The following PPARGC1A variants were observed in gnomAD, a reference collection of about 807,000 sequenced individuals.
PPARGC1A encodes the protein peroxisome proliferator-activated receptor gamma coactivator 1-alpha.
A neutral mutation model predicts 88.7 loss-of-function variants in PPARGC1A; 25 were observed. The observed-to-expected ratio is 0.28, with a 90% CI of 0.21 to 0.39. The LOEUF is 0.39. PPARGC1A is among the 10% of genes least tolerant of loss of function. The pLI is 1.00. For synonymous variants in PPARGC1A, 363 were observed against 355.6 expected (o/e 1.02, Z -0.24); for missense variants, 880 against 968.7 (o/e 0.91, Z 1.22).
At chr4:24,437,564 A>G in the PPARGC1A span, among the ~76,000 whole-genome samples, 1 of 152,008 alleles carries the variant, frequency 6.6e-6, no homozygotes, top group African/African-American at 2.4e-5. Flanking sequence ...CTTTGAGTTA[A>G]TTCTGTAAGT....
At chr4:24,385,179 G>A in the PPARGC1A span, among the ~76,000 whole-genome samples, 7 of 152,010 alleles carry the variant, frequency 4.6e-5, no homozygotes, top group African/African-American at 7.3e-5. Flanking sequence ...AAATAAATAC[G>A]TTATTTGAAA....
the PPARGC1A span, among the ~76,000 whole-genome samples, chr4:24,093,879 G>A: frequency 1.2e-4 from 19 of 152,306 alleles, no homozygotes; most frequent in South Asian, 3.7e-3. Flanking sequence ...TAAAGGGGAA[G>A]TATGCGTTAT....
the PPARGC1A span, among the ~76,000 whole-genome samples, chr4:24,411,357 G>C: frequency 6.6e-6 from 1 of 152,164 alleles, no homozygotes; most frequent in Non-Finnish European, 1.5e-5. Flanking sequence ...TTTTCAATAG[G>C]TTTTATAATT....
the PPARGC1A span, among the ~76,000 whole-genome samples, chr4:23,936,684 C>A: frequency 1.3e-5 from 2 of 151,936 alleles, no homozygotes; most frequent in Non-Finnish European, 2.9e-5. Flanking sequence ...CCAGCTTGGG[C>A]GACATGGGAA....
At chr4:24,301,510 A>G in the PPARGC1A span, among the ~76,000 whole-genome samples, 1 of 151,760 alleles carries the variant, frequency 6.6e-6, no homozygotes, top group Non-Finnish European at 1.5e-5. Flanking sequence ...GAATACCCAC[A>G]TCAGTTGAGA....
At chr4:24,276,432 C>G in the PPARGC1A span, among the ~76,000 whole-genome samples, 1 of 152,302 alleles carries the variant, frequency 6.6e-6, no homozygotes, top group Admixed American at 6.5e-5. Flanking sequence ...TACACAAGGT[C>G]TCAGACATCG....
intron 2 of PPARGC1A, among the ~76,000 whole-genome samples, chr4:23,869,787 G>A (rs1359741154): frequency 6.6e-6 from 1 of 152,152 alleles, no homozygotes; most frequent in Non-Finnish European, 1.5e-5. Flanking sequence ...TGAGGACTGG[G>A]TAGGATAAAT....
chr4:24,242,759 A>G, the PPARGC1A span, among the ~76,000 whole-genome samples: 1 of 152,138 alleles, frequency 6.6e-6, no homozygotes, highest in Non-Finnish European at 1.5e-5. Context: ...TCAGGACTCC[A>G]GTCCTGCTGG....
chr4:23,802,566 T>C lies in PPARGC1A; in HGVS notation c.2020-221A>G, dbSNP rs148169350. Among the ~76,000 whole-genome samples, 634 of 150,254 alleles carry C rather than the reference T, an allele frequency of 4.2e-3. 4 individuals carry two copies. Among genetic ancestry groups the C allele is most frequent in the Admixed American group, 8.8e-3 (131 of 14,892 alleles). Reference sequence around the variant, plus strand: ...GGTGGTGGGCACCTGCAATCCCAGCTACTCAGGAGGCTGACGCAGAGAATT... The same window carrying C: ...GGTGGTGGGCACCTGCAATCCCAGCCACTCAGGAGGCTGACGCAGAGAATT... On this transcript the variant is annotated intron_variant, in intron 10 of 12. Transcript: ENST00000264867.
At chr4:24,468,339 A>G in the PPARGC1A span, among the ~76,000 whole-genome samples, 186 of 152,366 alleles carry the variant, frequency 1.2e-3, 4 homozygotes, top group Non-Finnish European at 1.3e-3. Flanking sequence ...TGTCTGCTGC[A>G]CTGAGCCAAA....
the PPARGC1A span, among the ~76,000 whole-genome samples, chr4:24,048,779 T>C: frequency 6.6e-6 from 1 of 152,152 alleles, no homozygotes; most frequent in African/African-American, 2.4e-5. Context: ...AGACCTGATT[T>C]TCCTGAACCC....
chr4:23,850,505 A>G (rs1729094920), intron 2 of PPARGC1A, among the ~76,000 whole-genome samples: 1 of 152,146 alleles, frequency 6.6e-6, no homozygotes, highest in African/African-American at 2.4e-5. Flanking sequence ...CCTTCTTTCT[A>G]GCCTTGTTTC....
chr4:23,874,379 A>G (rs1455613496), intron 2 of PPARGC1A, among the ~76,000 whole-genome samples: 3 of 152,286 alleles, frequency 2.0e-5, no homozygotes, highest in Non-Finnish European at 2.9e-5. Context: ...ACGATGACCT[A>G]TGTGAAAGCA....
the PPARGC1A span, among the ~76,000 whole-genome samples, chr4:23,915,201 A>T: frequency 6.6e-6 from 1 of 152,178 alleles, no homozygotes; most frequent in Non-Finnish European, 1.5e-5. Flanking sequence ...GTTACATTAA[A>T]AGCTAGGCAC....
the PPARGC1A span, among the ~76,000 whole-genome samples, chr4:24,306,452 C>A: frequency 6.6e-6 from 1 of 152,084 alleles, no homozygotes. Context: ...AATCAGTAGG[C>A]CCATTGGGAT....
intron 2 of PPARGC1A, among the ~76,000 whole-genome samples, chr4:23,851,394 T>C (rs1179265955): frequency 6.6e-6 from 1 of 152,180 alleles, no homozygotes; most frequent in Non-Finnish European, 1.5e-5. Context: ...GCAATGGCTA[T>C]GGACCCAATA....
At chr4:24,284,757 G>A in the PPARGC1A span, among the ~76,000 whole-genome samples, 1 of 152,298 alleles carries the variant, frequency 6.6e-6, no homozygotes, top group East Asian at 1.9e-4. Context: ...GCCCGGGCAC[G>A]GTGGCTCACG....
the PPARGC1A span, among the ~76,000 whole-genome samples, chr4:24,015,600 G>A: frequency 1.7e-4 from 26 of 152,226 alleles, no homozygotes; most frequent in African/African-American, 5.8e-4. Flanking sequence ...CAACAGCTCA[G>A]AGCTGACAAT....
At chr4:23,829,732 A>T in intron 3 of PPARGC1A, 147 bp from the exon 4 acceptor site, 1 of 683,062 alleles carries the variant, frequency 1.5e-6, no homozygotes, top group South Asian at 4.4e-5. Context: ...TTAGCGCAAT[A>T]GTGCTACAGG....
Sources: gnomAD v4.1 joint callset for allele counts (sites outside exome capture counted in the v4.1 genomes callset) on GRCh38, gnomAD v4.1.1 for gene constraint, MANE v1.5 for transcripts, NCBI Gene and HGNC (gene_info 2026-07-23, HGNC 2026-07-21) for gene names.